The following TMEM121B variants were observed in gnomAD, a reference collection of about 807,000 sequenced individuals.
TMEM121B encodes the protein transmembrane protein 121B.
A neutral mutation model predicts 25.1 loss-of-function variants in TMEM121B; 14 were observed. The ratio of observed to expected loss-of-function variants is 0.56; its 90% confidence interval spans 0.37 to 0.87. The LOEUF is 0.87. Ranked by LOEUF, TMEM121B falls within the 40% of genes least tolerant of loss-of-function variation. The pLI is 0.00. For synonymous variants in TMEM121B, 458 were observed against 420.9 expected (o/e 1.09, Z -1.08); for missense variants, 850 against 854.6 (o/e 0.99, Z 0.07).
At position 17,120,552 on chromosome 22, in the gene TMEM121B, G is replaced by T. The variant is rs781488099; in HGVS notation, c.576C>A (p.Pro192=). The T allele has an allele frequency of 2.6e-6, 4 of 1,513,114 alleles. No individual in the cohort carries two copies. Among genetic ancestry groups the T allele is most frequent in the Non-Finnish European group, 2.6e-6 (3 of 1,135,376 alleles). The allele number at this position is 1,513,114 out of a possible 1,614,324, so 93.7% of individuals were successfully genotyped here. The change falls in exon 1 of 1, where the codon CCC becomes CCA. Residue 192 remains proline (P), a synonymous_variant. Transcript: ENST00000331437. The stretch of plus-strand genomic sequence containing the variant: ...GGTAGCCCCAGCGGCACCTGGGACT[G>T]GGGGCGCAGCCGCGGCGCCGACCTC... The part of the protein sequence containing the change: ...GRRGRRRGCA[P]SPRCRWGYQA...
In TMEM121B at chr22:17,120,234, CGCGCCGCCG is replaced by C; in HGVS notation, c.885_893del (p.Ala298_Gly300del). Reference sequence around the variant, plus strand: ...CCGCGGCCGCCCCCAGGCCGCCCCCCGCGCCGCCGGCGCCCCCGCGGGCTCCGCGTGCCT... The same window carrying C: ...CCGCGGCCGCCCCCAGGCCGCCCCCCGCGCCCCCGCGGGCTCCGCGTGCCT... On this transcript the variant is annotated inframe_deletion, in exon 1 of 1. Transcript: ENST00000331437. 7 of 1,281,586 alleles carry C rather than the reference CGCGCCGCCG, an allele frequency of 5.5e-6. 1 individual carries two copies. Among genetic ancestry groups the C allele is most frequent in the Admixed American group, 8.0e-5 (2 of 25,090 alleles). 79.4% of individuals were successfully genotyped at this position (1,281,586 alleles called of 1,614,324 possible).
Position 17,121,235 on chromosome 22 carries a change from G to T in TMEM121B, c.-108C>A. 3 of 1,071,664 alleles carry T rather than the reference G, an allele frequency of 2.8e-6. No homozygotes were observed. The highest frequency in any genetic ancestry group is 3.6e-6 in the Non-Finnish European group (3 of 836,352). 66.4% of individuals were successfully genotyped at this position (1,071,664 alleles called of 1,614,324 possible). A position where few individuals can be genotyped will look rare whatever the true frequency, so the allele number is the denominator to read the frequency against. On this transcript the variant is annotated 5_prime_UTR_variant, in exon 1 of 1. In the 5' UTR this introduces an upstream ATG that the reference lacks. Transcript: ENST00000331437. The stretch of plus-strand genomic sequence containing the variant: ...GGAGCCGGGGCCCGCCGCCTCCCCA[G>T]CAGTGGGGACTCGCACCTGGGCCGG...
chr22:17,119,751 G>A lies in TMEM121B; in HGVS notation c.1377C>T (p.Ala459=). The A allele has an allele frequency of 6.4e-7, 1 of 1,555,630 alleles. No individual in the cohort carries two copies. The highest frequency in any genetic ancestry group is 1.2e-5 in the South Asian group (1 of 86,006). Residue 459 remains alanine, a synonymous_variant, in exon 1 of 1, where the codon GCC becomes GCT. Transcript: ENST00000331437. ...GGCGGCTGCAGCTGCCAGGCCCGGAGGCCTGGCCCCAGGATGCAGCCGCTG... is the reference window on the plus strand; with the variant it reads ...GGCGGCTGCAGCTGCCAGGCCCGGAAGCCTGGCCCCAGGATGCAGCCGCTG... ...AAAAAASWGQ[A]SGPGSCSRLL...
In TMEM121B at chr22:17,117,092, C is replaced by T. The variant is rs1299223024; in HGVS notation, c.*2299G>A. The stretch of plus-strand genomic sequence containing the variant: ...GCTGGCCATGGCTCAGACACAATGT[C>T]CTTTCACAGTCACTGAGATTAGGTA... On this transcript the variant is annotated 3_prime_UTR_variant, in exon 1 of 1. Coordinates refer to ENST00000331437, the MANE Select transcript of TMEM121B (RefSeq NM_031890.4). 1 of 152,668 alleles carries T rather than the reference C, an allele frequency of 6.6e-6. No individual in the cohort carries two copies. The highest frequency in any genetic ancestry group is 2.4e-5 in the African/African-American group (1 of 41,462). The allele number at this position is 152,668 out of a possible 1,614,324, so 9.5% of individuals were successfully genotyped here.
At position 17,117,093 on chromosome 22, in the gene TMEM121B, C is replaced by G. The variant is rs2061473389; in HGVS notation, c.*2298G>C. ...CTGGCCATGGCTCAGACACAATGTC[C>G]TTTCACAGTCACTGAGATTAGGTAG... is the stretch of plus-strand genomic sequence containing the variant. On this transcript the variant is annotated 3_prime_UTR_variant, in exon 1 of 1. Transcript: ENST00000331437. 1 of 152,672 alleles carries G rather than the reference C, an allele frequency of 6.5e-6. No individual in the cohort carries two copies. The highest frequency in any genetic ancestry group is 1.5e-5 in the Non-Finnish European group (1 of 68,070). The allele number at this position is 152,672 out of a possible 1,614,324, so 9.5% of individuals were successfully genotyped here. A position where few individuals can be genotyped will look rare whatever the true frequency, so the allele number is the denominator to read the frequency against.
Position 17,119,742 on chromosome 22 carries a change from A to G in TMEM121B, c.1386T>C (p.Pro462=). 1.3e-6 allele frequency: 2 copies of G among 1,548,910 alleles called. No homozygotes were observed. The highest frequency in any genetic ancestry group is 1.2e-5 in the South Asian group (1 of 85,496). The change falls in exon 1 of 1, where the codon CCT becomes CCC. Residue 462 remains proline, a synonymous_variant. Transcript: ENST00000331437. Reference sequence around the variant, plus strand: ...GGCGCAGAAGGCGGCTGCAGCTGCCAGGCCCGGAGGCCTGGCCCCAGGATG... The same window carrying G: ...GGCGCAGAAGGCGGCTGCAGCTGCCGGGCCCGGAGGCCTGGCCCCAGGATG... The part of the protein sequence containing the change: ...AAASWGQASG[P]GSCSRLLRLL...
At position 17,119,185 on chromosome 22, in the gene TMEM121B, G is replaced by GT; in HGVS notation, c.*205dup. ...GTAGGATAGGAGAAGAGAGGAGAGG[G>GT]TAAGTGCACCTACCTCCCTCACCGT... On this transcript the variant is annotated 3_prime_UTR_variant, in exon 1 of 1. Transcript: ENST00000331437. 1.6e-6 allele frequency: 1 copy of GT among 642,848 alleles called. No homozygotes were observed. Among genetic ancestry groups the GT allele is most frequent in the Non-Finnish European group, 2.6e-6 (1 of 387,772 alleles). The allele number at this position is 642,848 out of a possible 1,614,324, so 39.8% of individuals were successfully genotyped here.
chr22:17,120,073 A>T lies in TMEM121B; in HGVS notation c.1055T>A (p.Phe352Tyr). Reference sequence around the variant, plus strand: ...CACCGACAGCGCCATGGTGAGACGGAAGCCCGTGGTGCCGAAGGGCGCGCG... The same window carrying T: ...CACCGACAGCGCCATGGTGAGACGGTAGCCCGTGGTGCCGAAGGGCGCGCG... ...ELRAPFGTTGFRLTMALSVPL... is the reference protein window; with the variant it reads ...ELRAPFGTTGYRLTMALSVPL... Residue 352 changes from phenylalanine to tyrosine, a missense_variant, in exon 1 of 1, where the codon TTC becomes TAC. By Grantham distance (22) the Phe-to-Tyr change is conservative (BLOSUM62 3). Transcript: ENST00000331437. 6.2e-7 allele frequency: 1 copy of T among 1,611,182 alleles called. No homozygotes were observed. The highest frequency in any genetic ancestry group is 8.5e-7 in the Non-Finnish European group (1 of 1,179,570).
chr22:17,118,785 TG>T lies in TMEM121B; in HGVS notation c.*605del, dbSNP rs1170429981. 1 of 152,604 alleles carries T rather than the reference TG, an allele frequency of 6.6e-6. No homozygotes were observed. Among genetic ancestry groups the T allele is most frequent in the African/African-American group, 2.4e-5 (1 of 41,396 alleles). The allele number at this position is 152,604 out of a possible 1,614,324, so 9.5% of individuals were successfully genotyped here. A position where few individuals can be genotyped will look rare whatever the true frequency, so the allele number is the denominator to read the frequency against. The stretch of plus-strand genomic sequence containing the variant: ...GGGCCCAGCTCTTCCTGGGAATTCA[TG>T]GTCACAAATCCAGGCAGAAAAGAGG... On this transcript the variant is annotated 3_prime_UTR_variant, in exon 1 of 1. Coordinates refer to ENST00000331437, the MANE Select transcript of TMEM121B (RefSeq NM_031890.4).
In TMEM121B at chr22:17,120,935, C is replaced by A; in HGVS notation, c.193G>T (p.Gly65Cys). 7.1e-7 allele frequency: 1 copy of A among 1,407,422 alleles called. No individual in the cohort carries two copies. Among genetic ancestry groups the A allele is most frequent in the Non-Finnish European group, 9.2e-7 (1 of 1,082,630 alleles). The allele number at this position is 1,407,422 out of a possible 1,614,324, so 87.2% of individuals were successfully genotyped here. The change falls in exon 1 of 1, where the codon GGC (glycine) becomes TGC (cysteine). Residue 65 changes from glycine (G) to cysteine (C), a missense_variant. Coordinates refer to ENST00000331437, the MANE Select transcript of TMEM121B (RefSeq NM_031890.4). Reference sequence around the variant, plus strand: ...CCCGTGCTGCTGCTCGGGGAGCCGCCGCCCCCGCCGCGTCTGCCGCCGCCT... The same window carrying A: ...CCCGTGCTGCTGCTCGGGGAGCCGCAGCCCCCGCCGCGTCTGCCGCCGCCT... ...GGGGGRRGGG[G>C]GSPSSSTGAE...
Position 17,120,684 on chromosome 22 carries a change from GC to G in TMEM121B, c.443del (p.Gly148AlafsTer184). The stretch of plus-strand genomic sequence containing the variant: ...CGCCCCCCGCCGAGCGGCTCCCGGG[GC>G]CCCCGACGGCCCCGGCCGCGGCGCC... ...GGGAAAGAVG[G>X]PGSRSAGGAG... On this transcript the variant is annotated frameshift_variant, in exon 1 of 1. Transcript: ENST00000331437. LOFTEE classifies it high-confidence loss of function. The G allele has an allele frequency of 8.5e-7, 1 of 1,183,300 alleles. No individual in the cohort carries two copies. The highest frequency in any genetic ancestry group is 1.0e-6 in the Non-Finnish European group (1 of 958,004). 73.3% of individuals were successfully genotyped at this position (1,183,300 alleles called of 1,614,324 possible).
rs1483869002 is a variant in TMEM121B at position 17,120,857 on chromosome 22, G to A, written c.271C>T (p.Pro91Ser). Residue 91 changes from proline (P) to serine (S), a missense_variant, in exon 1 of 1, where the codon CCC becomes TCC. Coordinates refer to ENST00000331437, the MANE Select transcript of TMEM121B (RefSeq NM_031890.4). ...GGCGGCCCCAGGAGCGCGGCGTTGG[G>A]CACCAGCGGCTTGCTGACGCTGAGG... Reference protein sequence around the residue: ...ESLSVSKPLVPNAALLGPPAQ... With the variant: ...ESLSVSKPLVSNAALLGPPAQ... The A allele has an allele frequency of 1.5e-6, 2 of 1,336,484 alleles. No individual in the cohort carries two copies. Among genetic ancestry groups the A allele is most frequent in the South Asian group, 1.9e-5 (1 of 53,390 alleles). 82.8% of individuals were successfully genotyped at this position (1,336,484 alleles called of 1,614,324 possible). A position where few individuals can be genotyped will look rare whatever the true frequency, so the allele number is the denominator to read the frequency against.
Position 17,118,176 on chromosome 22 carries a change from G to A in TMEM121B, c.*1215C>T, listed in dbSNP as rs996423491. On this transcript the variant is annotated 3_prime_UTR_variant, in exon 1 of 1. Coordinates refer to ENST00000331437, the MANE Select transcript of TMEM121B (RefSeq NM_031890.4). Reference sequence around the variant, plus strand: ...CTCTTGTCATCACCCTCAATGAGAGGAAGAGGGAAAGTTCTGCAGCCTGCC... The same window carrying A: ...CTCTTGTCATCACCCTCAATGAGAGAAAGAGGGAAAGTTCTGCAGCCTGCC... The A allele has an allele frequency of 5.3e-5, 8 of 152,260 alleles. No individual in the cohort carries two copies. Among genetic ancestry groups the A allele is most frequent in the Admixed American group, 1.3e-4 (2 of 15,286 alleles). The allele number at this position is 152,260 out of a possible 1,614,324, so 9.4% of individuals were successfully genotyped here. A position where few individuals can be genotyped will look rare whatever the true frequency, so the allele number is the denominator to read the frequency against.
chr22:17,119,416 G>T lies in TMEM121B; in HGVS notation c.1712C>A (p.Thr571Asn), dbSNP rs138821428. 6 of 1,605,768 alleles carry T rather than the reference G, an allele frequency of 3.7e-6. No homozygotes were observed. The African/African-American group carries it at 6.7e-5, about 18-fold the overall frequency. Residue 571 changes from threonine to asparagine, a missense_variant, in exon 1 of 1, where the codon ACC (threonine) becomes AAC (asparagine). Transcript: ENST00000331437. ...NEGGAHGYVN[T>N]LAVASQN Reference sequence around the variant, plus strand: ...TCAATTCTGAGAGGCCACAGCCAGGGTGTTGACATAGCCATGAGCACCCCC... The same window carrying T: ...TCAATTCTGAGAGGCCACAGCCAGGTTGTTGACATAGCCATGAGCACCCCC...
At position 17,121,101 on chromosome 22, in the gene TMEM121B, G is replaced by A. The variant is rs1484247104; in HGVS notation, c.27C>T (p.Arg9=). The A allele has an allele frequency of 7.1e-7, 1 of 1,416,622 alleles. No homozygotes were observed. The highest frequency in any genetic ancestry group is 2.7e-5 in the Admixed American group (1 of 37,260). 87.8% of individuals were successfully genotyped at this position (1,416,622 alleles called of 1,614,324 possible). The change falls in exon 1 of 1, where the codon CGC becomes CGT. Residue 9 remains arginine (R), a synonymous_variant. Coordinates refer to ENST00000331437, the MANE Select transcript of TMEM121B (RefSeq NM_031890.4). ...AGGAACCGGACGCGGAGGAGACCGA[G>A]CGAGGGTGGCCGAGCGCCGGGCGCA... MRPALGHP[R]SVSSASGSFP...
At position 17,119,179 on chromosome 22, in the gene TMEM121B, G is replaced by A. The variant is rs978080774; in HGVS notation, c.*212C>T. 2 of 610,630 alleles carry A rather than the reference G, an allele frequency of 3.3e-6. No homozygotes were observed. Among genetic ancestry groups the A allele is most frequent in the Non-Finnish European group, 2.7e-6 (1 of 363,848 alleles). 37.8% of individuals were successfully genotyped at this position (610,630 alleles called of 1,614,324 possible). The stretch of plus-strand genomic sequence containing the variant: ...ATTGGGGTAGGATAGGAGAAGAGAG[G>A]AGAGGGTAAGTGCACCTACCTCCCT... On this transcript the variant is annotated 3_prime_UTR_variant, in exon 1 of 1. Coordinates refer to ENST00000331437, the MANE Select transcript of TMEM121B (RefSeq NM_031890.4).
Position 17,120,400 on chromosome 22 carries a change from A to T in TMEM121B, c.728T>A (p.Ile243Asn). The stretch of plus-strand genomic sequence containing the variant: ...GCCCCGGCTGTTCTTGGCGAAGAAG[A>T]TGGCCCAGCCCACCACCACCACCAG... ...TDLVVVVGWA[I>N]FFAKNSRGRR... The change falls in exon 1 of 1, where the codon ATC (isoleucine) becomes AAC (asparagine). Residue 243 changes from isoleucine (I) to asparagine (N), a missense_variant. Transcript: ENST00000331437. The T allele has an allele frequency of 6.4e-7, 1 of 1,563,952 alleles. No individual in the cohort carries two copies. Among genetic ancestry groups the T allele is most frequent in the Non-Finnish European group, 8.6e-7 (1 of 1,161,608 alleles).
Position 17,120,568 on chromosome 22 carries a change from C to T in TMEM121B, c.560G>A (p.Arg187His), listed in dbSNP as rs1437925912. 1 of 1,479,308 alleles carries T rather than the reference C, an allele frequency of 6.8e-7. No homozygotes were observed. Among genetic ancestry groups the T allele is most frequent in the South Asian group, 1.3e-5 (1 of 79,052 alleles). 91.6% of individuals were successfully genotyped at this position (1,479,308 alleles called of 1,614,324 possible). A position where few individuals can be genotyped will look rare whatever the true frequency, so the allele number is the denominator to read the frequency against. ...CPDRPGRRGR[R>H]RGCAPSPRCR... ...CCTGGGACTGGGGGCGCAGCCGCGG[C>T]GCCGACCTCTGCGGCCGGGGCGGTC... Residue 187 changes from arginine to histidine, a missense_variant, in exon 1 of 1, where the codon CGC (arginine) becomes CAC (histidine). By Grantham distance (29) the Arg-to-His change is conservative. Coordinates refer to ENST00000331437, the MANE Select transcript of TMEM121B (RefSeq NM_031890.4).
Position 17,121,116 on chromosome 22 carries a change from C to T in TMEM121B, c.12G>A (p.Ala4=). 9 of 1,387,374 alleles carry T rather than the reference C, an allele frequency of 6.5e-6. No homozygotes were observed. Among genetic ancestry groups the T allele is most frequent in the Non-Finnish European group, 5.6e-6 (6 of 1,069,750 alleles). The allele number at this position is 1,387,374 out of a possible 1,614,324, so 85.9% of individuals were successfully genotyped here. The stretch of plus-strand genomic sequence containing the variant: ...AGGAGACCGAGCGAGGGTGGCCGAG[C>T]GCCGGGCGCATTGTCCTCCGAGGGG... MRP[A]LGHPRSVSSA... Residue 4 remains alanine (A), a synonymous_variant, in exon 1 of 1, where the codon GCG becomes GCA. Coordinates refer to ENST00000331437, the MANE Select transcript of TMEM121B (RefSeq NM_031890.4).
Sources: gnomAD v4.1 joint callset for allele counts on GRCh38, gnomAD v4.1.1 for gene constraint, MANE v1.5 for transcripts, NCBI Gene and HGNC (gene_info 2026-07-23, HGNC 2026-07-21) for gene names.